Variants in CCDC73 observed in about 807,000 individuals in gnomAD.
The protein encoded by CCDC73 is coiled-coil domain containing 73.
In CCDC73, 95 loss-of-function variants were observed where a neutral mutation model predicts 116.5. The ratio of observed to expected loss-of-function variants is 0.82; its 90% confidence interval spans 0.69 to 0.97. The LOEUF (loss-of-function observed/expected upper bound fraction) is 0.97. CCDC73 is among the 50% of genes least tolerant of loss of function. The probability of loss-of-function intolerance (pLI) is 0.00; values close to 1 mark genes in which losing one functional copy is unlikely to be tolerated. For synonymous variants in CCDC73, 398 were observed against 401.3 expected (o/e 0.99, Z 0.10); for missense variants, 1,066 against 1,206.8 (o/e 0.88, Z 1.73).
intron 7 of CCDC73, among the ~76,000 whole-genome samples, chr11:32,676,961 C>T (rs1352176): frequency 5.3e-5 from 8 of 152,118 alleles, no homozygotes. Flanking sequence ...ACCATACCTG[C>T]GATATGACTT....
At chr11:32,651,324 G>A (rs910466132) in intron 12 of CCDC73, among the ~76,000 whole-genome samples, 2 of 152,160 alleles carry the variant, frequency 1.3e-5, no homozygotes, top group Non-Finnish European at 2.9e-5. Flanking sequence ...CTGCCAACCT[G>A]CAACAAAGAC....
intron 3 of CCDC73, among the ~76,000 whole-genome samples, chr11:32,713,486 A>G (rs1026317716): frequency 3.3e-5 from 5 of 152,058 alleles, no homozygotes; most frequent in Non-Finnish European, 7.4e-5. Context: ...ACTGAAAGGG[A>G]TAACGTTAAG....
intron 9 of CCDC73, among the ~76,000 whole-genome samples, chr11:32,660,895 G>T (rs551291985): frequency 6.6e-6 from 1 of 152,300 alleles, no homozygotes; most frequent in African/African-American, 2.4e-5. Context: ...TTTGGGTCAT[G>T]TACCTCCTTG....
At chr11:32,689,765 G>GTA (rs747479926) in intron 6 of CCDC73, among the ~76,000 whole-genome samples, 14 of 152,264 alleles carry the variant, frequency 9.2e-5, no homozygotes, top group Middle Eastern at 6.8e-3. Context: ...GGAGGCTGAG[G>GTA]TGGGCAGATC....
At chr11:32,677,136 T>C (rs573087536) in intron 7 of CCDC73, among the ~76,000 whole-genome samples, 1 of 152,324 alleles carries the variant, frequency 6.6e-6, no homozygotes, top group East Asian at 1.9e-4. Flanking sequence ...CAAAGAACAG[T>C]ATAGGCCCAT....
At chr11:32,677,853 G>A (rs1856103091) in intron 7 of CCDC73, among the ~76,000 whole-genome samples, 1 of 147,652 alleles carries the variant, frequency 6.8e-6, no homozygotes, top group East Asian at 2.1e-4. Context: ...TCAGGAGGCT[G>A]AGACAGGAGA....
At chr11:32,640,092 T>G (rs1343934013) in intron 13 of CCDC73, among the ~76,000 whole-genome samples, 1 of 152,136 alleles carries the variant, frequency 6.6e-6, no homozygotes, top group Non-Finnish European at 1.5e-5. Flanking sequence ...TCAAGAATGG[T>G]GAAAAACTTA....
chr11:32,651,070 G>T (rs1011064859), intron 12 of CCDC73, among the ~76,000 whole-genome samples: 3 of 152,114 alleles, frequency 2.0e-5, no homozygotes, highest in African/African-American at 7.2e-5. Context: ...ACACAACTCA[G>T]CATGAGTGAG....
At chr11:32,624,446 C>T (rs915664677) in intron 14 of CCDC73, among the ~76,000 whole-genome samples, 1 of 152,128 alleles carries the variant, frequency 6.6e-6, no homozygotes, top group Non-Finnish European at 1.5e-5. Flanking sequence ...CAAACATACA[C>T]AAAGATATTT....
At chr11:32,628,977 G>A (rs1349416151) in intron 14 of CCDC73, among the ~76,000 whole-genome samples, 2 of 151,888 alleles carry the variant, frequency 1.3e-5, no homozygotes, top group Non-Finnish European at 2.9e-5. Flanking sequence ...AGAAAAAAAC[G>A]AACCAAATGG....
In CCDC73 at chr11:32,629,770, CA is replaced by C. The variant is rs33970031; in HGVS notation, c.1185+5925del. Among the ~76,000 whole-genome samples the C allele has an allele frequency of 3.1e-3, 380 of 121,568 alleles. 4 individuals carry two copies. The East Asian group carries it at 0.034, about 11-fold the overall frequency. 79.8% of individuals were successfully genotyped at this position (121,568 alleles called of 152,430 possible). Reference sequence around the variant, plus strand: ...ACCTCTTGCCAGAAGCAATGCAAGCCAAAAAAAAAAAAAAATGGAATGGCAT... The same window carrying C: ...ACCTCTTGCCAGAAGCAATGCAAGCCAAAAAAAAAAAAAATGGAATGGCAT... On this transcript the variant is annotated intron_variant, in intron 14 of 17. Coordinates refer to ENST00000335185, the MANE Select transcript of CCDC73 (RefSeq NM_001008391.4).
the CCDC73 span, among the ~76,000 whole-genome samples, chr11:32,815,481 G>A: frequency 1.1e-4 from 17 of 152,166 alleles, no homozygotes; most frequent in East Asian, 2.1e-3. Context: ...ATTTACAGGC[G>A]TGAGCCACTG....
At chr11:32,619,484 C>T (rs1855503207) in intron 14 of CCDC73, among the ~76,000 whole-genome samples, 1 of 152,036 alleles carries the variant, frequency 6.6e-6, no homozygotes. Flanking sequence ...CAGCTTAGGC[C>T]ACATAACAAG....
At chr11:32,677,185 GT>G (rs1203871597) in intron 7 of CCDC73, among the ~76,000 whole-genome samples, 2 of 152,094 alleles carry the variant, frequency 1.3e-5, no homozygotes, top group Non-Finnish European at 2.9e-5. Flanking sequence ...ATGAACTGTT[GT>G]TGTCTTATAG....
chr11:32,705,850 T>C (rs1031760564), intron 3 of CCDC73, among the ~76,000 whole-genome samples: 15 of 152,218 alleles, frequency 9.9e-5, no homozygotes, highest in African/African-American at 3.1e-4. Context: ...TACACTGTTA[T>C]GACTATGTAA....
At chr11:32,737,918 C>G (rs2133353509) in intron 2 of CCDC73, among the ~76,000 whole-genome samples, 2 of 152,102 alleles carry the variant, frequency 1.3e-5, no homozygotes, top group Middle Eastern at 6.8e-3. Flanking sequence ...TAATTTTTAC[C>G]TCCCACGAAT....
intron 1 of CCDC73, among the ~76,000 whole-genome samples, chr11:32,771,974 G>A (rs1850495377): frequency 6.6e-6 from 1 of 152,180 alleles, no homozygotes; most frequent in Non-Finnish European, 1.5e-5. Flanking sequence ...AAGACTACAT[G>A]GAGAGAGGAG....
the CCDC73 span, among the ~76,000 whole-genome samples, chr11:32,804,494 C>T: frequency 1.3e-5 from 2 of 152,154 alleles, no homozygotes; most frequent in Non-Finnish European, 2.9e-5. Flanking sequence ...GAAGTGAGTG[C>T]TTAAAACACT....
chr11:32,644,813 T>C (rs576674021), intron 12 of CCDC73, among the ~76,000 whole-genome samples: 80 of 152,166 alleles, frequency 5.3e-4, no homozygotes, highest in Non-Finnish European at 9.4e-4. Flanking sequence ...TTGTGGCTTT[T>C]GTAGAATGCC....
Sources: allele counts gnomAD v4.1 joint callset (sites outside exome capture counted in the v4.1 genomes callset), GRCh38; gene constraint gnomAD v4.1.1; transcripts MANE v1.5; gene names NCBI Gene and HGNC (gene_info 2026-07-23, HGNC 2026-07-21).